PTPRK: variants seen among roughly 807,000 people sequenced by gnomAD.
PTPRK encodes the protein protein tyrosine phosphatase receptor type K.
PTPRK carries 75 observed loss-of-function variants against 178.0 expected under a neutral mutation model. The observed-to-expected ratio is 0.42, with a 90% CI of 0.35 to 0.51. The LOEUF is 0.51. PTPRK is among the 20% of genes least tolerant of loss of function. The pLI is 0.02. For missense variants in PTPRK, 1,441 were observed against 1,797.8 expected (o/e 0.80, Z 3.59); for synonymous variants, 637 against 620.6 (o/e 1.03, Z -0.39).
At chr6:128,028,858 A>ATGTT (rs1467076018) in intron 13 of PTPRK, among the ~76,000 whole-genome samples, 1 of 152,154 alleles carries the variant, frequency 6.6e-6, no homozygotes, top group Non-Finnish European at 1.5e-5. Flanking sequence ...TAAGGTTAGG[A>ATGTT]TGTTAAACGG....
Position 128,192,487 on chromosome 6 carries a change from C to T in PTPRK, c.869-7762G>A, listed in dbSNP as rs542882572. 2.0e-5 allele frequency among the ~76,000 whole-genome samples: 3 copies of T among 152,172 alleles called. No homozygotes were observed. The South Asian group carries it at 6.2e-4, about 32-fold the overall frequency. ...ATTATAGAATGAATGACTGCCTTAA[C>T]AATGCCCCAAAGAAAAAAAGTTACC... On this transcript the variant is annotated intron_variant, in intron 6 of 29. Transcript: ENST00000368226.
At chr6:128,375,304 C>T (rs1338864740) in intron 2 of PTPRK, among the ~76,000 whole-genome samples, 25 of 151,610 alleles carry the variant, frequency 1.6e-4, no homozygotes, top group Admixed American at 9.2e-4. Context: ...TTCCACGTGG[C>T]TAGGGAGGCC....
At chr6:127,999,155 A>G (rs1009444046) in intron 15 of PTPRK, among the ~76,000 whole-genome samples, 1 of 152,074 alleles carries the variant, frequency 6.6e-6, no homozygotes, top group African/African-American at 2.4e-5. Context: ...GACATCTGAT[A>G]GACCTTTTAA....
chr6:128,210,935 A>G (rs1190066059), intron 6 of PTPRK, among the ~76,000 whole-genome samples: 2 of 152,164 alleles, frequency 1.3e-5, no homozygotes, highest in African/African-American at 2.4e-5. Context: ...AGCTAAATCT[A>G]TGACTCCAAA....
rs147216620 is a variant in PTPRK, at chr6:128,182,625, A to G, written c.1162+1807T>C. ...CATTCCCTCTCACATAGATAGGGCT[A>G]TTCTCAGAATAAAACACTTCAAAGC... On this transcript the variant is annotated intron_variant, in intron 7 of 29. Coordinates refer to ENST00000368226, the MANE Select transcript of PTPRK (RefSeq NM_002844.4). Among the ~76,000 whole-genome samples the G allele has an allele frequency of 3.6e-3, 554 of 152,270 alleles. 5 individuals are homozygous for G. Among genetic ancestry groups the G allele is most frequent in the African/African-American group, 0.012 (511 of 41,570 alleles).
intron 2 of PTPRK, among the ~76,000 whole-genome samples, chr6:128,340,446 C>T (rs1395527346): frequency 6.6e-6 from 1 of 152,112 alleles, no homozygotes; most frequent in East Asian, 1.9e-4. Flanking sequence ...TCTAAATGTA[C>T]AAGAAAGCAT....
At chr6:128,330,567 C>A (rs1158851546) in intron 2 of PTPRK, among the ~76,000 whole-genome samples, 1 of 152,146 alleles carries the variant, frequency 6.6e-6, no homozygotes, top group Non-Finnish European at 1.5e-5. Flanking sequence ...TTCATATCCA[C>A]TAGTTTTACC....
At chr6:128,118,219 T>C (rs1354908389) in intron 7 of PTPRK, among the ~76,000 whole-genome samples, 2 of 152,186 alleles carry the variant, frequency 1.3e-5, no homozygotes, top group Admixed American at 1.3e-4. Context: ...AAGGGATCTA[T>C]AGCATGATTT....
chr6:128,220,370 A>C (rs561219996), intron 5 of PTPRK, among the ~76,000 whole-genome samples: 1 of 152,230 alleles, frequency 6.6e-6, no homozygotes, highest in Non-Finnish European at 1.5e-5. Context: ...TAAAACTTCT[A>C]TATGTCAAAG....
intron 1 of PTPRK, among the ~76,000 whole-genome samples, chr6:128,402,107 A>C: frequency 6.6e-6 from 1 of 152,240 alleles, no homozygotes; most frequent in East Asian, 1.9e-4. Context: ...TTCATTACAA[A>C]AAAGCCAATA....
intron 1 of PTPRK, among the ~76,000 whole-genome samples, chr6:128,490,953 G>A (rs1288458303): frequency 6.6e-6 from 1 of 152,078 alleles, no homozygotes; most frequent in Non-Finnish European, 1.5e-5. Context: ...CCACTCTTAT[G>A]ACATCATTTA....
chr6:128,355,678 G>C (rs1332859863), intron 2 of PTPRK, among the ~76,000 whole-genome samples: 2 of 152,146 alleles, frequency 1.3e-5, no homozygotes, highest in East Asian at 3.9e-4. Flanking sequence ...GATAGCTTTA[G>C]GAGATATACC....
In PTPRK at chr6:127,973,185, T is replaced by G. The variant is rs184791652; in HGVS notation, c.4134-28A>C. ...GAAAGCAAAGAAAGCAAAGGCATTTTAGATAGCAGCACCAAGTGACCACAG... is the reference window on the plus strand; with the variant it reads ...GAAAGCAAAGAAAGCAAAGGCATTTGAGATAGCAGCACCAAGTGACCACAG... On this transcript the variant is annotated intron_variant, in intron 28 of 29. Transcript: ENST00000368226. The G allele has an allele frequency of 6.1e-4, 977 of 1,613,324 alleles. 10 individuals carry two copies. In the African/African-American group the frequency reaches 0.011, roughly 19 times the overall value.
At chr6:128,027,596 G>C (rs1043298544) in intron 13 of PTPRK, among the ~76,000 whole-genome samples, 1 of 151,782 alleles carries the variant, frequency 6.6e-6, no homozygotes, top group African/African-American at 2.4e-5. Flanking sequence ...GAGGCTTGTT[G>C]TATGTTTTTT....
intron 24 of PTPRK, among the ~76,000 whole-genome samples, chr6:127,982,482 G>C (rs1005545736): frequency 6.6e-6 from 1 of 152,046 alleles, no homozygotes; most frequent in South Asian, 2.1e-4. Context: ...CACCGTGTTA[G>C]CCAGGATGGT....
chr6:128,270,562 A>G (rs1253951598), intron 3 of PTPRK, among the ~76,000 whole-genome samples: 1 of 152,192 alleles, frequency 6.6e-6, no homozygotes, highest in Non-Finnish European at 1.5e-5. Context: ...ATTACAAAGT[A>G]AGCATATTCC....
Position 128,089,798 on chromosome 6 carries a change from C to A in PTPRK, c.1357G>T (p.Val453Phe). Residue 453 changes from valine (V) to phenylalanine (F), a missense_variant, in exon 8 of 30, where the codon GTT becomes TTT. Physicochemically the swap from Val to Phe is conservative, Grantham distance 50 (BLOSUM62 -1). Transcript: ENST00000368226. ...GTATAAGGTGGCAGATGGTTCACAA[C>A]ATGCTGAGGGGCTTTGGGGTCCATG... The part of the protein sequence containing the change: ...LDMDPKAPQH[V>F]VNHLPPYTNV... 6.2e-7 allele frequency: 1 copy of A among 1,613,940 alleles called. No individual in the cohort carries two copies.
At position 127,986,021 on chromosome 6, in the gene PTPRK, T is replaced by A. The variant is rs535356853; in HGVS notation, c.3097-146A>T. The A allele has an allele frequency of 1.6e-3, 991 of 626,876 alleles. 17 individuals carry two copies. The African/African-American group carries it at 0.016, about 10-fold the overall frequency. 38.8% of individuals were successfully genotyped at this position (626,876 alleles called of 1,614,324 possible). ...ACTATGCCTTTTCTTAAAAAAAAAA[T>A]ATAATAAAATGAAGGCCTAACATGG... On this transcript the variant is annotated intron_variant, in intron 21 of 29. Coordinates refer to ENST00000368226, the MANE Select transcript of PTPRK (RefSeq NM_002844.4).
In PTPRK at chr6:128,009,227, T is replaced by C. The variant is rs1778777247; in HGVS notation, c.2236A>G (p.Lys746Glu). 6.2e-7 allele frequency: 1 copy of C among 1,609,038 alleles called. No homozygotes were observed. Among genetic ancestry groups the C allele is most frequent in the African/African-American group, 1.3e-5 (1 of 74,288 alleles). Residue 746 changes from lysine to glutamate, a missense_variant, in exon 14 of 30, where the codon AAG (lysine) becomes GAG (glutamate). By Grantham distance (56) the Lys-to-Glu change is moderately conservative. Around this residue, in one of 4 missense-constraint regions of PTPRK, gnomAD observed 945 missense variants for 1,080.6 expected, o/e 0.87. Coordinates refer to ENST00000368226, the MANE Select transcript of PTPRK (RefSeq NM_002844.4). ...ATTTTCACCACTCTGTCTGTCTGCT[T>C]GGCGGGATCTGGGATCACTTCTGGT... is the stretch of plus-strand genomic sequence containing the variant. ...EEPEVIPDPA[K>E]QTDRVVKIAG...
Sources: gnomAD v4.1 joint callset for allele counts (sites outside exome capture counted in the v4.1 genomes callset) on GRCh38, gnomAD v4.1.1 for gene constraint, gnomAD v4.1.1 regional missense constraint, MANE v1.5 for transcripts, NCBI Gene and HGNC (gene_info 2026-07-23, HGNC 2026-07-21) for gene names.